The following MMP3 variants were observed in gnomAD, a reference collection of about 807,000 sequenced individuals.
MMP3 encodes stromelysin-1.
Under a neutral mutation model 47.3 loss-of-function variants are expected in MMP3, and 46 were observed. That is an observed-to-expected ratio of 0.97 (90% CI 0.77 to 1.24). The LOEUF is 1.24. Ranked by LOEUF, MMP3 falls within the 50% of genes most tolerant of loss-of-function variation. The pLI, the probability that MMP3 is intolerant of heterozygous loss-of-function variation, is 0.00. For missense variants in MMP3, 558 were observed against 565.5 expected, an observed-to-expected ratio of 0.99 and a Z score of 0.13; for synonymous variants, 216 against 206.5, an observed-to-expected ratio of 1.05 and a Z score of -0.39.
rs1420258170 is a variant in MMP3 at position 102,839,193 on chromosome 11, A to C, written c.986T>G (p.Ile329Ser). The C allele has an allele frequency of 2.7e-5, 44 of 1,614,054 alleles. No homozygotes were observed. Among genetic ancestry groups the C allele is most frequent in the Non-Finnish European group, 3.6e-5 (43 of 1,180,022 alleles). The change falls in exon 7 of 10, where the codon ATC becomes AGC. Residue 329 changes from isoleucine to serine, a missense_variant. By Grantham distance (142) the Ile-to-Ser change is moderately radical (BLOSUM62 -2). Coordinates refer to ENST00000299855, the MANE Select transcript of MMP3 (RefSeq NM_002422.5). ...AGGAAGAGATGGCCAAAATGAAGAG[A>C]TCAAATGCAATTCAGGTTCAAGCTT... ...LRKLEPELHLISSFWPSLPSG... is the reference protein window; with the variant it reads ...LRKLEPELHLSSSFWPSLPSG...
intron 6 of MMP3, among the ~76,000 whole-genome samples, chr11:102,839,527 T>G (rs1241968064): frequency 6.6e-6 from 1 of 152,248 alleles, no homozygotes; most frequent in Non-Finnish European, 1.5e-5. Context: ...TTACCTGCAA[T>G]GTATGCAAAA....
chr11:102,842,791 C>T lies in MMP3; in HGVS notation c.231G>A (p.Gly77=). Residue 77 remains glycine, a synonymous_variant, in exon 2 of 10, where the codon GGG becomes GGA. Transcript: ENST00000299855. ...CCTCCAGAGTGTCGGAGTCCAGCTT[C>T]CCCGTCACCTCCAATCCAAGGAACT... The part of the protein sequence containing the change: ...MQKFLGLEVT[G]KLDSDTLEVM... 1 of 1,613,946 alleles carries T rather than the reference C, an allele frequency of 6.2e-7. No individual in the cohort carries two copies. The highest frequency in any genetic ancestry group is 8.5e-7 in the Non-Finnish European group (1 of 1,179,954).
Position 102,840,271 on chromosome 11 carries a change from G to T in MMP3, c.791-19C>A. The T allele has an allele frequency of 1.2e-6, 2 of 1,610,518 alleles. No individual in the cohort carries two copies. Among genetic ancestry groups the T allele is most frequent in the Non-Finnish European group, 1.7e-6 (2 of 1,178,772 alleles). On this transcript the variant is annotated intron_variant, in intron 5 of 9. Coordinates refer to ENST00000299855, the MANE Select transcript of MMP3 (RefSeq NM_002422.5). The stretch of plus-strand genomic sequence containing the variant: ...GGAGGTCCTAAAGGGAACATTAGGG[G>T]AAATGTGATACGTTTCAATATATGC...
chr11:102,842,403 G>GTTTTTTTTTTTTTTTTTTTTTTTTTTTT, intron 3 of MMP3, 28 bp downstream of exon 3: 1 of 918,298 alleles, frequency 1.1e-6, no homozygotes, highest in Non-Finnish European at 1.3e-6. Flanking sequence ...GTTTTGTTTT[G>GTTTTTTTTTTTTTTTTTTTTTTTTTTTT]CTTTTTTTTT....
rs3025072 is a variant in MMP3, at chr11:102,838,730, CAG to C, written c.1070-22_1070-21del. The stretch of plus-strand genomic sequence containing the variant: ...GATTTCCTGTTAAATATAAATAATT[CAG>C]AGTCATATTGAATTATAACAGTTAA... On this transcript the variant is annotated intron_variant, in intron 7 of 9. Transcript: ENST00000299855. 0.019 allele frequency: 30,827 copies of C among 1,603,720 alleles called. 2,215 individuals are homozygous for C. Among genetic ancestry groups the C allele is most frequent in the East Asian group, 0.18 (8,070 of 44,650 alleles).
At position 102,837,220 on chromosome 11, in the gene MMP3, G is replaced by A. The variant is rs1858897893; in HGVS notation, c.1333+78C>T. On this transcript the variant is annotated intron_variant, in intron 9 of 9. Transcript: ENST00000299855. This position sits in a 1 kb window ranked among gnomAD's most constrained non-coding sequence, Gnocchi z 4.4. ...CCTAAGAAACACTTGTTATTAAAAA[G>A]TTTCAATGCTCCTCTTCCCTCTGAT... 1 of 1,149,000 alleles carries A rather than the reference G, an allele frequency of 8.7e-7. No homozygotes were observed. The highest frequency in any genetic ancestry group is 1.5e-5 in the African/African-American group (1 of 64,904). The allele number at this position is 1,149,000 out of a possible 1,614,324, so 71.2% of individuals were successfully genotyped here. A position where few individuals can be genotyped will look rare whatever the true frequency, so the allele number is the denominator to read the frequency against.
At position 102,838,693 on chromosome 11, in the gene MMP3, T is replaced by G; in HGVS notation, c.1087A>C (p.Ile363Leu). The G allele has an allele frequency of 6.2e-7, 1 of 1,612,696 alleles. No homozygotes were observed. The highest frequency in any genetic ancestry group is 8.5e-7 in the Non-Finnish European group (1 of 1,179,608). The change falls in exon 8 of 10, where the codon ATC (isoleucine) becomes CTC (leucine). Residue 363 changes from isoleucine to leucine, a missense_variant. Transcript: ENST00000299855. ...CCAGCTCGTACCTCATTTCCTCTGATAGCCCAGAATTGATTTCCTGTTAAA... is the reference window on the plus strand; with the variant it reads ...CCAGCTCGTACCTCATTTCCTCTGAGAGCCCAGAATTGATTTCCTGTTAAA... The part of the protein sequence containing the change: ...FIFKGNQFWA[I>L]RGNEVRAGYP...
chr11:102,840,544 A>G lies in MMP3; in HGVS notation c.675T>C (p.Gly225=), dbSNP rs371127534. 6.2e-6 allele frequency: 10 copies of G among 1,613,906 alleles called. No homozygotes were observed. The highest frequency in any genetic ancestry group is 2.7e-5 in the African/African-American group (2 of 74,886). ...VAAHEIGHSL[G]LFHSANTEAL... ...CTTCAGTGTTGGCTGAGTGAAAGAGACCCAGGGAGTGGCCAATTTCATGAG... is the reference window on the plus strand; with the variant it reads ...CTTCAGTGTTGGCTGAGTGAAAGAGGCCCAGGGAGTGGCCAATTTCATGAG... Residue 225 remains glycine (G), a synonymous_variant, in exon 5 of 10, where the codon GGT becomes GGC. Coordinates refer to ENST00000299855, the MANE Select transcript of MMP3 (RefSeq NM_002422.5).
Position 102,837,376 on chromosome 11 carries a change from C to T in MMP3, c.1255G>A (p.Glu419Lys). The change falls in exon 9 of 10, where the codon GAG becomes AAG. Residue 419 changes from glutamate to lysine, a missense_variant. Glu to Lys is a moderately conservative substitution (Grantham distance 56). Coordinates refer to ENST00000299855, the MANE Select transcript of MMP3 (RefSeq NM_002422.5). The surrounding 1 kb of genome is among the most constrained non-coding windows in gnomAD (Gnocchi z 4.4). ...WRFDEKRNSM[E>K]PGFPKQIAED... ...GCTATTTGCTTGGGAAAGCCTGGCT[C>T]CATGGAATTTCTCTTCTCATCAAAT... The T allele has an allele frequency of 6.2e-7, 1 of 1,613,858 alleles. No homozygotes were observed. Among genetic ancestry groups the T allele is most frequent in the Non-Finnish European group, 8.5e-7 (1 of 1,179,912 alleles).
chr11:102,839,628 A>G (rs964922064), intron 6 of MMP3, among the ~76,000 whole-genome samples: 1 of 152,216 alleles, frequency 6.6e-6, no homozygotes. Context: ...GTGTGTAGAA[A>G]GATTCTGGAA....
At chr11:102,838,520 T>A (rs782092849) in intron 8 of MMP3, 31 bp downstream of exon 8, 1 of 1,598,574 alleles carries the variant, frequency 6.3e-7, no homozygotes, top group Admixed American at 1.8e-5. Context: ...CTAATTAGGC[T>A]CCATACAAAG....
intron 2 of MMP3, 39 bp from the exon 3 acceptor site, chr11:102,842,618 A>G (rs782196945): frequency 6.2e-7 from 1 of 1,613,478 alleles, no homozygotes; most frequent in African/African-American, 1.3e-5. Context: ...ATTTTCTCCT[A>G]TGATATAGTT....
intron 8 of MMP3, among the ~76,000 whole-genome samples, chr11:102,838,321 G>A (rs1283007945): frequency 6.6e-6 from 1 of 152,076 alleles, no homozygotes; most frequent in African/African-American, 2.4e-5. Flanking sequence ...GCTCCAGGCA[G>A]GTGGGGTGAC....
chr11:102,842,333 C>T, intron 3 of MMP3, 54 bp from the exon 4 acceptor site: 1 of 1,569,642 alleles, frequency 6.4e-7, no homozygotes, highest in East Asian at 2.3e-5. Context: ...CCTTTTGAGC[C>T]TTTTCCAGTA....
At chr11:102,840,655 C>A in intron 4 of MMP3, 62 bp from the exon 5 acceptor site, 2 of 1,546,896 alleles carry the variant, frequency 1.3e-6, no homozygotes, top group South Asian at 2.4e-5. Context: ...TTACACAGGT[C>A]TGCTGTGCAT....
At chr11:102,838,748 T>C in intron 7 of MMP3, 38 bp from the exon 8 acceptor site, 1 of 1,587,260 alleles carries the variant, frequency 6.3e-7, no homozygotes, top group Non-Finnish European at 8.6e-7. Context: ...TATTGAATTA[T>C]AACAGTTAAG....
At position 102,837,915 on chromosome 11, in the gene MMP3, G is replaced by A. The variant is rs1858913197; in HGVS notation, c.1230-514C>T. 6.6e-6 allele frequency among the ~76,000 whole-genome samples: 1 copy of A among 152,156 alleles called. No individual in the cohort carries two copies. The highest frequency in any genetic ancestry group is 2.4e-5 in the African/African-American group (1 of 41,448). ...TGGATATCAGATGGTCGGCCTCGAT[G>A]TCTCAAAGTCTGGCCAAATGACCCA... On this transcript the variant is annotated intron_variant, in intron 8 of 9. Transcript: ENST00000299855. This position sits in a 1 kb window ranked among gnomAD's most constrained non-coding sequence, Gnocchi z 4.4.
chr11:102,839,008 TG>T (rs1555005016), intron 7 of MMP3, 101 bp downstream of exon 7: 21 of 1,240,790 alleles, frequency 1.7e-5, no homozygotes, highest in Non-Finnish European at 2.4e-5. Context: ...CGTTGACTAC[TG>T]TATTAGCCAG....
At chr11:102,840,734 T>C in intron 4 of MMP3, 141 bp from the exon 5 acceptor site, 1 of 784,982 alleles carries the variant, frequency 1.3e-6, no homozygotes, top group African/African-American at 1.8e-5. Flanking sequence ...AATTGAACAA[T>C]TGACTAATTA....
Sources: gnomAD v4.1 joint callset for allele counts (sites outside exome capture counted in the v4.1 genomes callset) on GRCh38, gnomAD v4.1.1 for gene constraint, Gnocchi (gnomAD v3.1) non-coding constraint, MANE v1.5 for transcripts, NCBI Gene and HGNC (gene_info 2026-07-23, HGNC 2026-07-21) for gene names.